MAP4: variants seen among roughly 807,000 people sequenced by gnomAD.
The protein encoded by MAP4 is microtubule-associated protein 4.
MAP4 carries 76 observed loss-of-function variants against 170.2 expected under a neutral mutation model. That is an observed-to-expected ratio of 0.45 (90% confidence interval 0.37 to 0.54). MAP4 has a LOEUF of 0.54. Ranked by LOEUF, MAP4 falls within the 20% of genes least tolerant of loss-of-function variation. The probability of loss-of-function intolerance (pLI) is 0.00; values close to 1 mark genes in which losing one functional copy is unlikely to be tolerated. For synonymous variants in MAP4, 909 were observed against 994.5 expected, an observed-to-expected ratio of 0.91 and a Z score of 1.62; for missense variants, 2,506 against 2,748.0, an observed-to-expected ratio of 0.91 and a Z score of 1.97.
At chr3:47,945,630 T>C (rs1056073206) in intron 3 of MAP4, among the ~76,000 whole-genome samples, 1 of 152,092 alleles carries the variant, frequency 6.6e-6, no homozygotes, top group Non-Finnish European at 1.5e-5. Context: ...AAAGATGCAA[T>C]CTACAAATTA....
At chr3:47,922,552 C>A (rs2100043527) in intron 4 of MAP4, among the ~76,000 whole-genome samples, 1 of 140,494 alleles carries the variant, frequency 7.1e-6, no homozygotes, top group Admixed American at 7.1e-5. Flanking sequence ...AAAGACAGAG[C>A]CATTAACAAG....
At chr3:47,954,727 ATCAG>A (rs1453973700) in intron 3 of MAP4, among the ~76,000 whole-genome samples, 1 of 152,234 alleles carries the variant, frequency 6.6e-6, no homozygotes, top group African/African-American at 2.4e-5. Flanking sequence ...ACTGTGGCCT[ATCAG>A]TCAAAGTGAG....
intron 2 of MAP4, among the ~76,000 whole-genome samples, chr3:47,997,708 A>T (rs908440447): frequency 7.3e-6 from 1 of 137,414 alleles, no homozygotes; most frequent in Non-Finnish European, 1.5e-5. Context: ...TAGACTTATC[A>T]AAGAAAGAAA....
chr3:47,928,468 G>A lies in MAP4; in HGVS notation c.293-118C>T, dbSNP rs1032368443. ...ATATAAAAAATCCTATCTAGCTAGT[G>A]TCTTACAAGAAAACTTTTTTCTTTT... On this transcript the variant is annotated intron_variant, in intron 3 of 20. Coordinates refer to ENST00000683076, the MANE Select transcript of MAP4 (RefSeq NM_001385682.1). 29 of 1,033,226 alleles carry A rather than the reference G, an allele frequency of 2.8e-5. 2 individuals are homozygous for A. Among genetic ancestry groups the A allele is most frequent in the Middle Eastern group, 4.9e-4 (2 of 4,104 alleles). 64.0% of individuals were successfully genotyped at this position (1,033,226 alleles called of 1,614,324 possible).
chr3:47,983,352 G>C (rs2100086509), intron 2 of MAP4, among the ~76,000 whole-genome samples: 1 of 152,028 alleles, frequency 6.6e-6, no homozygotes, highest in Non-Finnish European at 1.5e-5. Context: ...GGTGACAACA[G>C]GTGTGCACCG....
intron 10 of MAP4, among the ~76,000 whole-genome samples, chr3:47,898,848 T>C (rs2100028473): frequency 6.6e-6 from 1 of 152,022 alleles, no homozygotes; most frequent in African/African-American, 2.4e-5. Context: ...ACTAGCTACT[T>C]GGGAGGCTGA....
Position 47,935,316 on chromosome 3 carries a change from A to G in MAP4, c.293-6966T>C, listed in dbSNP as rs566001229. Among the ~76,000 whole-genome samples, 8 of 152,330 alleles carry G rather than the reference A, an allele frequency of 5.3e-5. No individual in the cohort carries two copies. In the South Asian group the frequency reaches 1.7e-3, roughly 32 times the overall value. ...AACAGAGAAAGAGACAAAGTGGGGA[A>G]GACACACAGCAAGCAAAATAGAAGT... On this transcript the variant is annotated intron_variant, in intron 3 of 20. Transcript: ENST00000683076.
At chr3:47,920,490 G>A (rs1370938400) in intron 5 of MAP4, among the ~76,000 whole-genome samples, 3 of 150,212 alleles carry the variant, frequency 2.0e-5, no homozygotes, top group Non-Finnish European at 2.9e-5. Context: ...TGATCCATCC[G>A]CCTTGGCCTC....
At chr3:48,069,950 C>T (rs767401425) in intron 1 of MAP4, among the ~76,000 whole-genome samples, 3 of 151,866 alleles carry the variant, frequency 2.0e-5, no homozygotes, top group Admixed American at 6.6e-5. Context: ...CTTTTTTTAA[C>T]CTATTAAACT....
At chr3:48,054,303 C>CA (rs1351731182) in intron 1 of MAP4, among the ~76,000 whole-genome samples, 38 of 147,938 alleles carry the variant, frequency 2.6e-4, no homozygotes, top group South Asian at 6.5e-4. Flanking sequence ...CCTCAAAAAA[C>CA]AAAAAAAACA....
At chr3:48,085,926 C>T (rs893105130) in intron 1 of MAP4, among the ~76,000 whole-genome samples, 5 of 152,176 alleles carry the variant, frequency 3.3e-5, no homozygotes, top group African/African-American at 9.7e-5. Context: ...GTGGCACGTG[C>T]CTGTAGTTCC....
Position 47,911,491 on chromosome 3 carries a change from A to G in MAP4, c.2930T>C (p.Ile977Thr). 2 of 1,535,962 alleles carry G rather than the reference A, an allele frequency of 1.3e-6. No homozygotes were observed. Among genetic ancestry groups the G allele is most frequent in the Admixed American group, 2.0e-5 (1 of 50,960 alleles). Residue 977 changes from isoleucine (I) to threonine (T), a missense_variant, in exon 9 of 21, where the codon ATA (isoleucine) becomes ACA (threonine). Physicochemically the swap from Ile to Thr is moderately conservative, Grantham distance 89 (BLOSUM62 -1). Transcript: ENST00000683076. The surrounding 1 kb of genome is among the most constrained non-coding windows in gnomAD (Gnocchi z 4.0). ...KEIPNLVPTLIASNPLECNLK... is the reference protein window; with the variant it reads ...KEIPNLVPTLTASNPLECNLK... ...ATTACATTCTAATGGATTACTTGCT[A>G]TCAAAGTGGGTACCAAATTTGGTAT...
At position 47,998,675 on chromosome 3, in the gene MAP4, T is replaced by C; in HGVS notation, c.186A>G (p.Ser62=). The C allele has an allele frequency of 6.2e-7, 1 of 1,614,194 alleles. No individual in the cohort carries two copies. Among genetic ancestry groups the C allele is most frequent in the Non-Finnish European group, 8.5e-7 (1 of 1,180,030 alleles). ...TAGTTTCTGAGCACGGTTTCTTCTTTGACTCTGAGTTCCCGGTTTTCTCAT... is the reference window on the plus strand; with the variant it reads ...TAGTTTCTGAGCACGGTTTCTTCTTCGACTCTGAGTTCCCGGTTTTCTCAT... ...DVDEKTGNSE[S]KKKPCSETSQ... Residue 62 remains serine, a synonymous_variant, in exon 2 of 21, where the codon TCA becomes TCG. Transcript: ENST00000683076.
At chr3:47,936,162 T>C (rs2100052689) in intron 3 of MAP4, among the ~76,000 whole-genome samples, 1 of 151,584 alleles carries the variant, frequency 6.6e-6, no homozygotes, top group South Asian at 2.1e-4. Flanking sequence ...AGGCCAGGCA[T>C]GGTGGCTCAC....
chr3:47,904,654 G>A (rs1489943110), intron 9 of MAP4, among the ~76,000 whole-genome samples: 1 of 141,890 alleles, frequency 7.0e-6, no homozygotes, highest in Non-Finnish European at 1.5e-5. Flanking sequence ...TTTTTTGGGC[G>A]GGGGGGCTAG....
intron 1 of MAP4, among the ~76,000 whole-genome samples, chr3:48,060,157 G>A (rs554868905): frequency 6.6e-6 from 1 of 152,208 alleles, no homozygotes; most frequent in African/African-American, 2.4e-5. Flanking sequence ...ATCTCAATTA[G>A]TAAAAACTCA....
intron 10 of MAP4, among the ~76,000 whole-genome samples, chr3:47,879,152 G>A (rs992144965): frequency 1.3e-5 from 2 of 151,882 alleles, no homozygotes; most frequent in Non-Finnish European, 1.5e-5. Flanking sequence ...GGTTATTATG[G>A]TAGAAATATC....
intron 6 of MAP4, among the ~76,000 whole-genome samples, chr3:47,917,585 CAAAAAAAAAA>C (rs397877787): frequency 1.1e-5 from 1 of 92,732 alleles, no homozygotes; most frequent in African/African-American, 3.6e-5. Flanking sequence ...GAGTCCGTCT[CAAAAAAAAAA>C]AAAAAAAAAG....
intron 3 of MAP4, among the ~76,000 whole-genome samples, chr3:47,962,314 G>T (rs943988335): frequency 1.3e-5 from 2 of 152,192 alleles, no homozygotes; most frequent in Admixed American, 1.3e-4. Flanking sequence ...GCAAAGCCAA[G>T]AACCCTCCTG....
Sources: allele counts gnomAD v4.1 joint callset (sites outside exome capture counted in the v4.1 genomes callset), GRCh38; gene constraint gnomAD v4.1.1; non-coding constraint Gnocchi (gnomAD v3.1); transcripts MANE v1.5; gene names NCBI Gene and HGNC (gene_info 2026-07-23, HGNC 2026-07-21).